CSMD1: variants seen among roughly 807,000 people sequenced by gnomAD.
The protein encoded by CSMD1 is CUB and Sushi multiple domains 1.
In CSMD1, 213 loss-of-function variants were observed where a neutral mutation model predicts 417.5. The observed-to-expected ratio is 0.51, with a 90% CI of 0.46 to 0.57. The LOEUF (loss-of-function observed/expected upper bound fraction) is 0.57. Among genes scored for constraint, CSMD1 ranks in the 20% least tolerant of loss-of-function variants. The pLI, the probability that CSMD1 is intolerant of heterozygous loss-of-function variation, is 0.00. For missense variants in CSMD1, 6,923 were observed against 4,529.7 expected (o/e 1.53, Z -15.17); for synonymous variants, 2,862 against 1,736.8 (o/e 1.65, Z -16.11).
rs760395429 is a variant in CSMD1 at position 3,868,175 on chromosome 8, C to T, written c.819-114133G>A. Among the ~76,000 whole-genome samples, 112 of 152,096 alleles carry T rather than the reference C, an allele frequency of 7.4e-4. 1 individual carries two copies. Among genetic ancestry groups the T allele is most frequent in the Non-Finnish European group, 1.3e-3 (89 of 68,022 alleles). ...CTAATTCCACTCCACTCTGCTGAAC[C>T]AACACCTGGTGCAGTTGGATGTACT... On this transcript the variant is annotated intron_variant, in intron 5 of 69. Transcript: ENST00000635120.
intron 26 of CSMD1, among the ~76,000 whole-genome samples, chr8:3,250,846 C>T (rs1304616099): frequency 6.6e-5 from 10 of 152,180 alleles, no homozygotes; most frequent in African/African-American, 1.7e-4. Context: ...TGTCTGTTGG[C>T]TGCATAAATG....
At chr8:4,422,670 G>A (rs760801169) in intron 2 of CSMD1, among the ~76,000 whole-genome samples, 45 of 152,030 alleles carry the variant, frequency 3.0e-4, no homozygotes, top group Non-Finnish European at 5.4e-4. Flanking sequence ...ACTTATAGTA[G>A]TTTGTTATGG....
At chr8:4,656,343 C>T (rs904901389) in intron 1 of CSMD1, among the ~76,000 whole-genome samples, 10 of 151,970 alleles carry the variant, frequency 6.6e-5, no homozygotes, top group African/African-American at 2.4e-4. Context: ...GAAGGTCAGA[C>T]CAGGCATGGT....
chr8:4,175,968 T>G (rs1157622209), intron 3 of CSMD1, among the ~76,000 whole-genome samples: 1 of 152,172 alleles, frequency 6.6e-6, no homozygotes, highest in Admixed American at 6.5e-5. Context: ...GCAGCTGGGC[T>G]TCTCTCATTG....
intron 7 of CSMD1, among the ~76,000 whole-genome samples, chr8:3,653,481 A>G (rs1314338423): frequency 1.3e-5 from 2 of 151,946 alleles, no homozygotes; most frequent in Non-Finnish European, 2.9e-5. Context: ...GCTATTTTTC[A>G]TATTTTTAAT....
chr8:3,457,722 G>A (rs1414756544), intron 12 of CSMD1, among the ~76,000 whole-genome samples: 1 of 152,080 alleles, frequency 6.6e-6, no homozygotes, highest in Non-Finnish European at 1.5e-5. Context: ...AAAGGAAACA[G>A]AAATACCAAA....
Position 3,399,409 on chromosome 8 carries a change from A to G in CSMD1, c.2387T>C (p.Ile796Thr), listed in dbSNP as rs1321747688. The G allele has an allele frequency of 1.9e-6, 3 of 1,605,096 alleles. No individual in the cohort carries two copies. Among genetic ancestry groups the G allele is most frequent in the African/African-American group, 2.7e-5 (2 of 74,660 alleles). Residue 796 changes from isoleucine to threonine, a missense_variant, in exon 16 of 70, where the codon ATC becomes ACC. Physicochemically the swap from Ile to Thr is moderately conservative, Grantham distance 89. Transcript: ENST00000635120. ...WIIEAKPGHSIKITFDRFQTE... is the reference protein window; with the variant it reads ...WIIEAKPGHSTKITFDRFQTE... ...TTCTTACCTGTCAAAAGTTATTTTG[A>G]TAGAGTGGCCTGGTTTTGCTTCAAT...
At chr8:3,739,826 T>A (rs372897732) in intron 6 of CSMD1, among the ~76,000 whole-genome samples, 1 of 152,170 alleles carries the variant, frequency 6.6e-6, no homozygotes, top group Non-Finnish European at 1.5e-5. Context: ...TAACAAAGAA[T>A]GCAGACATTT....
At chr8:2,986,231 C>A (rs769552364) in intron 54 of CSMD1, among the ~76,000 whole-genome samples, 2 of 152,214 alleles carry the variant, frequency 1.3e-5, no homozygotes, top group Admixed American at 6.5e-5. Flanking sequence ...TCCCTGAGGA[C>A]TCACTGTCTG....
chr8:4,041,017 C>T (rs201720258), intron 3 of CSMD1, among the ~76,000 whole-genome samples: 81 of 100,130 alleles, frequency 8.1e-4, no homozygotes, highest in East Asian at 1.5e-3. Context: ...TTTTTTTTTC[C>T]TTTTTTTTTT....
intron 6 of CSMD1, among the ~76,000 whole-genome samples, chr8:3,709,746 G>T (rs7826370): frequency 3.8e-5 from 5 of 132,374 alleles, no homozygotes; most frequent in African/African-American, 1.5e-4. Flanking sequence ...CTAAAACACC[G>T]GCTTTCCTGG....
At chr8:4,758,483 G>A (rs1272716652) in intron 1 of CSMD1, among the ~76,000 whole-genome samples, 1 of 152,172 alleles carries the variant, frequency 6.6e-6, no homozygotes, top group African/African-American at 2.4e-5. Flanking sequence ...AAAAGAAAGA[G>A]ATCCCTTTGG....
intron 7 of CSMD1, among the ~76,000 whole-genome samples, chr8:3,671,399 G>C (rs1394993887): frequency 6.8e-6 from 1 of 146,268 alleles, no homozygotes; most frequent in Admixed American, 6.9e-5. Context: ...GAAGCATATA[G>C]ATCTTAAATA....
At chr8:4,837,915 ATAAAC>A (rs909333961) in intron 1 of CSMD1, among the ~76,000 whole-genome samples, 1 of 152,112 alleles carries the variant, frequency 6.6e-6, no homozygotes, top group African/African-American at 2.4e-5. Flanking sequence ...AAAAATAAAA[ATAAAC>A]TAAAAGACAG....
intron 37 of CSMD1, among the ~76,000 whole-genome samples, chr8:3,167,423 A>G (rs1820298844): frequency 6.6e-6 from 1 of 151,942 alleles, no homozygotes. Context: ...TTAAATGTGA[A>G]GACAACATAA....
intron 52 of CSMD1, among the ~76,000 whole-genome samples, chr8:3,002,670 C>G (rs1329628289): frequency 3.9e-5 from 6 of 152,134 alleles, no homozygotes; most frequent in Admixed American, 1.3e-4. Context: ...TAATATTTTT[C>G]TGAACTGAGT....
intron 11 of CSMD1, among the ~76,000 whole-genome samples, chr8:3,481,367 A>G (rs1817741246): frequency 6.6e-6 from 1 of 152,156 alleles, no homozygotes. Context: ...TAATGATTGA[A>G]ACAACAATTA....
chr8:3,490,834 C>T lies in CSMD1; in HGVS notation c.1448+2789G>A, dbSNP rs181078467. Among the ~76,000 whole-genome samples the T allele has an allele frequency of 2.6e-5, 4 of 151,974 alleles. No individual in the cohort carries two copies. In the East Asian group the frequency reaches 7.8e-4, roughly 29 times the overall value. Reference sequence around the variant, plus strand: ...TGCCCAAAATATAGATATCTGGGCCCTCAGATGTAGGACTCTGTTTTTAAA... The same window carrying T: ...TGCCCAAAATATAGATATCTGGGCCTTCAGATGTAGGACTCTGTTTTTAAA... On this transcript the variant is annotated intron_variant, in intron 11 of 69. Transcript: ENST00000635120.
At chr8:3,346,684 C>G (rs1481641033) in intron 22 of CSMD1, among the ~76,000 whole-genome samples, 1 of 152,284 alleles carries the variant, frequency 6.6e-6, no homozygotes, top group Admixed American at 6.5e-5. Context: ...AAGTGGAGCC[C>G]GGCGGGGGCT....
Sources: gnomAD v4.1 joint callset for allele counts (sites outside exome capture counted in the v4.1 genomes callset) on GRCh38, gnomAD v4.1.1 for gene constraint, MANE v1.5 for transcripts, NCBI Gene and HGNC (gene_info 2026-07-23, HGNC 2026-07-21) for gene names.